The following CWF19L2 variants were observed in gnomAD, a reference collection of about 807,000 sequenced individuals.
CWF19L2 encodes CWF19 like cell cycle control factor 2, also known as CWF19-like protein 2.
A neutral mutation model predicts 111.7 loss-of-function variants in CWF19L2; 98 were observed. The ratio of observed to expected loss-of-function variants is 0.88; its 90% CI spans 0.75 to 1.04. CWF19L2 has a LOEUF of 1.04. CWF19L2 is among the 50% of genes least tolerant of loss of function. The pLI is 0.00. For synonymous variants in CWF19L2, 351 were observed against 342.9 expected (o/e 1.02, Z -0.26); for missense variants, 1,101 against 1,051.4 (o/e 1.05, Z -0.65).
intron 10 of CWF19L2, among the ~76,000 whole-genome samples, chr11:107,412,606 G>A (rs1394533028): frequency 6.6e-6 from 1 of 152,188 alleles, no homozygotes; most frequent in African/African-American, 2.4e-5. Flanking sequence ...CTCCCAAAGT[G>A]CTGGGATTAC....
At chr11:107,391,371 A>G (rs1043856609) in intron 11 of CWF19L2, among the ~76,000 whole-genome samples, 2 of 152,166 alleles carry the variant, frequency 1.3e-5, no homozygotes, top group Admixed American at 1.3e-4. Context: ...CAAACCCGTA[A>G]GCGTGCCCTC....
In CWF19L2 at chr11:107,428,813, C is replaced by T. The variant is rs536844866; in HGVS notation, c.1419G>A (p.Lys473=). The T allele has an allele frequency of 1.5e-4, 246 of 1,607,434 alleles. No individual in the cohort carries two copies. The South Asian group carries it at 2.6e-3, about 17-fold the overall frequency. The change falls in exon 8 of 18, where the codon AAG becomes AAA. Residue 473 remains lysine (K), a synonymous_variant. Coordinates refer to ENST00000282251, the MANE Select transcript of CWF19L2 (RefSeq NM_152434.3). ...PPKKEHLRDT[K]STFAGSPERE... is the part of the protein sequence containing the mutation. ...TGATAAAATACCCAGCAAATGTAGA[C>T]TTTGTATCCCGTAGATGTTCTTTTT...
chr11:107,452,446 A>G (rs1861790860), intron 3 of CWF19L2, among the ~76,000 whole-genome samples: 1 of 152,206 alleles, frequency 6.6e-6, no homozygotes, highest in South Asian at 2.1e-4. Context: ...ATTTCAGAAC[A>G]TTGTGAGAAA....
intron 8 of CWF19L2, among the ~76,000 whole-genome samples, chr11:107,421,695 A>C (rs1175938630): frequency 6.6e-6 from 1 of 152,112 alleles, no homozygotes; most frequent in Non-Finnish European, 1.5e-5. Flanking sequence ...AATTTACAAG[A>C]CTGACCATTC....
In CWF19L2 at chr11:107,437,054, A is replaced by T. The variant is rs184501081; in HGVS notation, c.664+2036T>A. On this transcript the variant is annotated intron_variant, in intron 6 of 17. Transcript: ENST00000282251. Reference sequence around the variant, plus strand: ...CCACTGAATTCTAAGACAAAAAATCAAGATTAACACAGTAATTATTGAAAA... The same window carrying T: ...CCACTGAATTCTAAGACAAAAAATCTAGATTAACACAGTAATTATTGAAAA... Among the ~76,000 whole-genome samples, 211 of 152,326 alleles carry T rather than the reference A, an allele frequency of 1.4e-3. 1 individual carries two copies. Among genetic ancestry groups the T allele is most frequent in the Admixed American group, 2.5e-3 (39 of 15,306 alleles).
intron 12 of CWF19L2, among the ~76,000 whole-genome samples, chr11:107,365,520 A>G (rs1443403697): frequency 6.6e-5 from 6 of 90,748 alleles, no homozygotes; most frequent in African/African-American, 2.9e-4. Flanking sequence ...CTGGTTCAAT[A>G]TACGCAAATC....
Position 107,433,660 on chromosome 11 carries a change from C to A in CWF19L2, c.754G>T (p.Glu252Ter). 1 of 1,577,250 alleles carries A rather than the reference C, an allele frequency of 6.3e-7. No homozygotes were observed. The highest frequency in any genetic ancestry group is 8.6e-7 in the Non-Finnish European group (1 of 1,159,750). Residue 252 changes from glutamate (E) to a stop codon, truncating the protein, a stop_gained, in exon 7 of 18, where the codon GAG (glutamate) becomes TAG (stop). Transcript: ENST00000282251. LOFTEE classifies it high-confidence loss of function. ...EQAEKQSRNF[E>*]DIVAERYGSM... Reference sequence around the variant, plus strand: ...CCATATCTTTCGGCTACAATGTCCTCAAAGTTTCTACTTTGTTTCTCAGCT... The same window carrying A: ...CCATATCTTTCGGCTACAATGTCCTAAAAGTTTCTACTTTGTTTCTCAGCT...
chr11:107,367,675 T>G lies in CWF19L2; in HGVS notation c.1873-13939A>C, dbSNP rs1257214684. Among the ~76,000 whole-genome samples, 6 of 68,636 alleles carry G rather than the reference T, an allele frequency of 8.7e-5. 1 individual carries two copies. Among genetic ancestry groups the G allele is most frequent in the Non-Finnish European group, 1.3e-4 (5 of 39,400 alleles). 45.0% of individuals were successfully genotyped at this position (68,636 alleles called of 152,430 possible). On this transcript the variant is annotated intron_variant, in intron 12 of 17. Coordinates refer to ENST00000282251, the MANE Select transcript of CWF19L2 (RefSeq NM_152434.3). ...GGGAATATCACACTCTGGGGACTGT[T>G]GTGGGGTGGGGGGAGGGGGGAGGGA... is the stretch of plus-strand genomic sequence containing the variant.
At chr11:107,337,212 G>T (rs1030446008) in intron 14 of CWF19L2, among the ~76,000 whole-genome samples, 1 of 152,148 alleles carries the variant, frequency 6.6e-6, no homozygotes, top group African/African-American at 2.4e-5. Context: ...GTATATTCAG[G>T]TAGTCCTCTA....
At chr11:107,327,078 A>G in intron 17 of CWF19L2, 25 bp from the exon 18 acceptor site, 1 of 1,567,192 alleles carries the variant, frequency 6.4e-7, no homozygotes, top group Non-Finnish European at 8.6e-7. Flanking sequence ...GAAAAGCACA[A>G]ACACAAGCAT....
At position 107,348,950 on chromosome 11, in the gene CWF19L2, C is replaced by T. The variant is rs770737326; in HGVS notation, c.2189G>A (p.Trp730Ter). ...TATTATGCTGACCTGGATCTCCTCC[C>T]AGATGTCTTCATCCAACAAAGTAGC... The part of the protein sequence containing the change: ...RAATLLDEDI[W>*]EEIQMFRKSL... The change falls in exon 14 of 18, where the codon TGG becomes TAG. Residue 730 changes from tryptophan (W) to a stop codon, truncating the protein, a stop_gained. Transcript: ENST00000282251. LOFTEE classifies it high-confidence loss of function. 6.3e-7 allele frequency: 1 copy of T among 1,596,756 alleles called. No homozygotes were observed. The highest frequency in any genetic ancestry group is 8.6e-7 in the Non-Finnish European group (1 of 1,167,570).
chr11:107,417,274 A>G (rs755366025), intron 9 of CWF19L2, among the ~76,000 whole-genome samples: 7 of 152,236 alleles, frequency 4.6e-5, no homozygotes, highest in African/African-American at 9.6e-5. Context: ...TTAAATATAT[A>G]CATCTCACTG....
rs1220192238 is a variant in CWF19L2, at chr11:107,438,968, G to C, written c.664+122C>G. ...GGTGGGAGGATCACTTGAGGGGGAG[G>C]TGGAGGCTGCAGTGAGCCATGATCG... On this transcript the variant is annotated intron_variant, in intron 6 of 17. Transcript: ENST00000282251. 1.3e-5 allele frequency: 7 copies of C among 556,572 alleles called. No individual in the cohort carries two copies. In the Admixed American group the frequency reaches 1.8e-4, roughly 14 times the overall value. The allele number at this position is 556,572 out of a possible 1,614,324, so 34.5% of individuals were successfully genotyped here.
At chr11:107,438,043 CTT>C (rs976795986) in intron 6 of CWF19L2, among the ~76,000 whole-genome samples, 3 of 152,122 alleles carry the variant, frequency 2.0e-5, no homozygotes, top group Non-Finnish European at 2.9e-5. Context: ...TTACCAATAA[CTT>C]TAGTAAAATT....
chr11:107,444,746 T>C (rs1160193020), intron 3 of CWF19L2, among the ~76,000 whole-genome samples: 2 of 152,204 alleles, frequency 1.3e-5, no homozygotes, highest in East Asian at 1.9e-4. Flanking sequence ...TTGTATAGTA[T>C]TGAACTGAGT....
At chr11:107,435,155 C>A (rs994643525) in intron 6 of CWF19L2, among the ~76,000 whole-genome samples, 15 of 152,164 alleles carry the variant, frequency 9.9e-5, no homozygotes, top group Non-Finnish European at 2.2e-4. Context: ...AGCAATCTCT[C>A]CTAATACGAC....
chr11:107,396,936 C>T (rs1047931341), intron 10 of CWF19L2, among the ~76,000 whole-genome samples: 1 of 152,072 alleles, frequency 6.6e-6, no homozygotes, highest in Admixed American at 6.6e-5. Context: ...GAGAAGTTTT[C>T]GACTTTACTT....
chr11:107,351,857 G>T (rs1410764504), intron 13 of CWF19L2, among the ~76,000 whole-genome samples: 15 of 152,186 alleles, frequency 9.9e-5, no homozygotes, highest in Admixed American at 9.8e-4. Flanking sequence ...TAGCTCCCAT[G>T]TGAAGAAGCC....
chr11:107,339,210 G>A (rs1191989001), intron 14 of CWF19L2, among the ~76,000 whole-genome samples: 1 of 152,080 alleles, frequency 6.6e-6, no homozygotes, highest in African/African-American at 2.4e-5. Context: ...ATATGGATGT[G>A]CCCAGTATGT....
Sources: gnomAD v4.1 joint callset for allele counts (sites outside exome capture counted in the v4.1 genomes callset) on GRCh38, gnomAD v4.1.1 for gene constraint, MANE v1.5 for transcripts, NCBI Gene and HGNC (gene_info 2026-07-23, HGNC 2026-07-21) for gene names.